PDE8A: variants seen among roughly 807,000 people sequenced by gnomAD.
PDE8A encodes high affinity cAMP-specific and IBMX-insensitive 3',5'-cyclic phosphodiesterase 8A.
PDE8A carries 59 observed loss-of-function variants against 105.0 expected under a neutral mutation model. The observed-to-expected ratio is 0.56, with a 90% CI of 0.46 to 0.70. The LOEUF (loss-of-function observed/expected upper bound fraction) is 0.70. Ranked by LOEUF, PDE8A falls within the 30% of genes least tolerant of loss-of-function variation. The pLI is 0.00. For synonymous variants in PDE8A, 355 were observed against 371.9 expected (o/e 0.95, Z 0.52); for missense variants, 1,014 against 1,045.9 (o/e 0.97, Z 0.42).
chr15:85,068,041 A>T, intron 3 of PDE8A, among the ~76,000 whole-genome samples: 1 of 150,934 alleles, frequency 6.6e-6, no homozygotes. Context: ...TGTAGCCCAG[A>T]TTTCTTTTTT....
At chr15:85,122,610 G>A (rs945440328) in intron 18 of PDE8A, among the ~76,000 whole-genome samples, 5 of 152,154 alleles carry the variant, frequency 3.3e-5, no homozygotes, top group Non-Finnish European at 7.3e-5. Context: ...GAATTACATG[G>A]ATTACCCCTT....
chr15:85,081,482 G>A (rs980790431), intron 5 of PDE8A, among the ~76,000 whole-genome samples: 4 of 152,182 alleles, frequency 2.6e-5, no homozygotes, highest in African/African-American at 7.2e-5. Flanking sequence ...GGTCCTAGCC[G>A]TGGGTGTGAT....
chr15:85,041,463 C>G (rs765581289), intron 1 of PDE8A, among the ~76,000 whole-genome samples: 10 of 152,198 alleles, frequency 6.6e-5, no homozygotes, highest in Non-Finnish European at 1.5e-4. Flanking sequence ...GCACCAGCAG[C>G]TGTGGAGATG....
chr15:84,981,136 G>C (rs1209516580), upstream of PDE8A, among the ~76,000 whole-genome samples: 1 of 152,238 alleles, frequency 6.6e-6, no homozygotes, highest in Non-Finnish European at 1.5e-5. Flanking sequence ...GCCGGAATTC[G>C]AATTTGGCGG....
chr15:85,091,302 A>G (rs1419297321), intron 8 of PDE8A, 121 bp downstream of exon 8: 46 of 834,478 alleles, frequency 5.5e-5, no homozygotes, highest in Admixed American at 1.2e-4. Context: ...AGGGAAGTAT[A>G]GGGAATGTTA....
At chr15:85,102,839 CAAAA>C (rs35165347) in intron 11 of PDE8A, among the ~76,000 whole-genome samples, 2 of 111,252 alleles carry the variant, frequency 1.8e-5, no homozygotes, top group Non-Finnish European at 3.8e-5. Flanking sequence ...AACTCCATCT[CAAAA>C]AAAAAAAAAA....
At position 85,137,904 on chromosome 15, in the gene PDE8A, T is replaced by C. The variant is rs770771234; in HGVS notation, c.*1T>C. ...GAACCTCCGACCACCTCCTGAATAG[T>C]GGGAGACACCACCCAGAGCCCTGAA... On this transcript the variant is annotated 3_prime_UTR_variant, in exon 22 of 22. Transcript: ENST00000394553. 2 of 1,560,500 alleles carry C rather than the reference T, an allele frequency of 1.3e-6. No individual in the cohort carries two copies. Among genetic ancestry groups the C allele is most frequent in the Non-Finnish European group, 1.8e-6 (2 of 1,131,170 alleles).
chr15:84,991,182 G>A (rs1185788253), intron 1 of PDE8A, among the ~76,000 whole-genome samples: 1 of 152,138 alleles, frequency 6.6e-6, no homozygotes, highest in Non-Finnish European at 1.5e-5. Flanking sequence ...TTAAAATAAA[G>A]AACTTCTCAT....
chr15:85,036,382 G>A (rs2080706496), intron 1 of PDE8A, among the ~76,000 whole-genome samples: 1 of 152,196 alleles, frequency 6.6e-6, no homozygotes, highest in African/African-American at 2.4e-5. Flanking sequence ...CACCCCAGTA[G>A]TTGACCGTGT....
intron 1 of PDE8A, among the ~76,000 whole-genome samples, chr15:84,995,885 G>A (rs1182010522): frequency 6.6e-6 from 1 of 152,132 alleles, no homozygotes; most frequent in Admixed American, 6.5e-5. Context: ...GCTTTGTGGT[G>A]CATTCATCAA....
intron 20 of PDE8A, among the ~76,000 whole-genome samples, chr15:85,129,938 G>A (rs562628532): frequency 1.3e-5 from 2 of 152,250 alleles, no homozygotes; most frequent in African/African-American, 4.8e-5. Flanking sequence ...CCCCTTGGTT[G>A]TTTAAGCGTA....
chr15:85,033,512 AAAG>A (rs748972041), intron 1 of PDE8A, among the ~76,000 whole-genome samples: 5 of 152,256 alleles, frequency 3.3e-5, no homozygotes, highest in Non-Finnish European at 4.4e-5. Context: ...CAAGTAAAAG[AAAG>A]AAGACTTCTA....
intron 1 of PDE8A, among the ~76,000 whole-genome samples, chr15:85,004,596 C>CT (rs1362546559): frequency 6.6e-6 from 1 of 152,214 alleles, no homozygotes; most frequent in African/African-American, 2.4e-5. Flanking sequence ...TCGCCTAATA[C>CT]TTTAAGATTA....
intron 1 of PDE8A, among the ~76,000 whole-genome samples, chr15:85,024,398 A>T (rs1239370671): frequency 6.6e-6 from 1 of 152,174 alleles, no homozygotes; most frequent in Non-Finnish European, 1.5e-5. Context: ...TTAATAGGTG[A>T]CTTTCTTTTG....
chr15:85,115,952 C>G, intron 15 of PDE8A, 32 bp from the exon 16 acceptor site: 1 of 1,576,532 alleles, frequency 6.3e-7, no homozygotes, highest in Admixed American at 1.7e-5. Context: ...CCTTTAAAGC[C>G]TATTTGTTCT....
chr15:85,087,401 A>C (rs1029581272), intron 6 of PDE8A, among the ~76,000 whole-genome samples: 1 of 152,114 alleles, frequency 6.6e-6, no homozygotes, highest in African/African-American at 2.4e-5. Flanking sequence ...GGGTTTTGCC[A>C]TGTTGCCCAG....
chr15:85,032,453 C>A (rs981747056), intron 1 of PDE8A, among the ~76,000 whole-genome samples: 5 of 152,086 alleles, frequency 3.3e-5, no homozygotes, highest in African/African-American at 1.2e-4. Flanking sequence ...TTAAAAAGAA[C>A]CCTTGGTTAC....
chr15:84,982,015 C>A lies in PDE8A; in HGVS notation c.-148C>A. On this transcript the variant is annotated 5_prime_UTR_variant, in exon 1 of 22. Coordinates refer to ENST00000394553, the MANE Select transcript of PDE8A (RefSeq NM_002605.3). Reference sequence around the variant, plus strand: ...GCCCGCACCGCGATAAAAGGGGCGGCCGCGTTTCCTGACGCGAGATCCGCG... The same window carrying A: ...GCCCGCACCGCGATAAAAGGGGCGGACGCGTTTCCTGACGCGAGATCCGCG... 1 of 360,498 alleles carries A rather than the reference C, an allele frequency of 2.8e-6. No individual in the cohort carries two copies. The highest frequency in any genetic ancestry group is 4.7e-6 in the Non-Finnish European group (1 of 214,896). The allele number at this position is 360,498 out of a possible 1,614,324, so 22.3% of individuals were successfully genotyped here. A position where few individuals can be genotyped will look rare whatever the true frequency, so the allele number is the denominator to read the frequency against.
At chr15:85,095,597 G>C (rs2081733586) in intron 8 of PDE8A, among the ~76,000 whole-genome samples, 1 of 152,076 alleles carries the variant, frequency 6.6e-6, no homozygotes. Flanking sequence ...GCCTGCCTCG[G>C]CCTCCAGAAG....
Sources: allele counts gnomAD v4.1 joint callset (sites outside exome capture counted in the v4.1 genomes callset), GRCh38; gene constraint gnomAD v4.1.1; transcripts MANE v1.5; gene names NCBI Gene and HGNC (gene_info 2026-07-23, HGNC 2026-07-21).